Variants in COX7B2 observed in about 807,000 individuals in gnomAD.
The protein encoded by COX7B2 is cytochrome c oxidase subunit 7B2.
For synonymous variants in COX7B2, 37 were observed against 32.1 expected (o/e 1.15, Z -0.51); for missense variants, 109 against 95.9 (o/e 1.14, Z -0.57).
At chr4:46,770,480 AAAAAT>A (rs888944597) in intron 2 of COX7B2, among the ~76,000 whole-genome samples, 3 of 152,168 alleles carry the variant, frequency 2.0e-5, no homozygotes, top group African/African-American at 7.2e-5. Context: ...TCATAAAAAT[AAAAAT>A]AAATCCTAAA....
At chr4:46,817,741 A>G (rs768638942) in intron 2 of COX7B2, among the ~76,000 whole-genome samples, 1 of 152,216 alleles carries the variant, frequency 6.6e-6, no homozygotes, top group Non-Finnish European at 1.5e-5. Flanking sequence ...AAAGAAAGCC[A>G]GGAGGTGAGG....
intron 1 of COX7B2, among the ~76,000 whole-genome samples, chr4:46,887,010 G>T (rs750712538): frequency 9.9e-5 from 15 of 152,080 alleles, no homozygotes; most frequent in Non-Finnish European, 1.5e-4. Flanking sequence ...AAATATAAAG[G>T]CCTTTTAAAA....
intron 1 of COX7B2, among the ~76,000 whole-genome samples, chr4:46,892,954 T>C (rs927848794): frequency 2.6e-5 from 4 of 152,174 alleles, no homozygotes; most frequent in African/African-American, 9.6e-5. Context: ...CCCCTTTGCA[T>C]GGCTTTCATT....
chr4:46,820,304 C>T (rs976730522), intron 2 of COX7B2, among the ~76,000 whole-genome samples: 3 of 152,180 alleles, frequency 2.0e-5, no homozygotes, highest in Admixed American at 6.5e-5. Context: ...ACAGGGTTTC[C>T]GGTCCCATGA....
intron 2 of COX7B2, among the ~76,000 whole-genome samples, chr4:46,773,270 G>C (rs1479384658): frequency 6.6e-6 from 1 of 152,134 alleles, no homozygotes; most frequent in Non-Finnish European, 1.5e-5. Context: ...GACCTGATGG[G>C]AGGTAACTGA....
At position 46,744,874 on chromosome 4, in the gene COX7B2, C is replaced by A. The variant is rs184416081; in HGVS notation, c.-49-9633G>T. On this transcript the variant is annotated intron_variant, in intron 2 of 2. Coordinates refer to ENST00000355591, the MANE Select transcript of COX7B2 (RefSeq NM_130902.3). ...TCTCCCGCCTCAGCTGGACTACAGG[C>A]GCACGCTGGCACGCCCGGCTAATTT... Among the ~76,000 whole-genome samples, 884 of 151,418 alleles carry A rather than the reference C, an allele frequency of 5.8e-3. 6 individuals carry two copies. The highest frequency in any genetic ancestry group is 9.3e-3 in the Non-Finnish European group (633 of 67,894).
At chr4:46,808,400 A>T (rs915592565) in intron 2 of COX7B2, among the ~76,000 whole-genome samples, 6 of 151,656 alleles carry the variant, frequency 4.0e-5, no homozygotes, top group African/African-American at 1.5e-4. Context: ...TGCCATATTC[A>T]TTTATTAGTT....
At chr4:46,875,856 C>T (rs906564706) in intron 1 of COX7B2, among the ~76,000 whole-genome samples, 2 of 151,908 alleles carry the variant, frequency 1.3e-5, no homozygotes, top group African/African-American at 4.8e-5. Flanking sequence ...GTTATAAATT[C>T]TATTAATTCT....
chr4:46,804,303 C>T (rs7435882), intron 2 of COX7B2, among the ~76,000 whole-genome samples: 52,962 of 151,950 alleles, frequency 0.35, 9,415 homozygotes, highest in South Asian at 0.47. Context: ...TTCCACGGTA[C>T]GGAAAGGGAC....
intron 1 of COX7B2, among the ~76,000 whole-genome samples, chr4:46,849,419 C>A (rs1716518173): frequency 6.6e-6 from 1 of 151,966 alleles, no homozygotes; most frequent in Non-Finnish European, 1.5e-5. Context: ...TTTTTAAATG[C>A]CCTCCCCATT....
chr4:46,900,761 C>G (rs978921479), intron 1 of COX7B2, among the ~76,000 whole-genome samples: 2 of 152,112 alleles, frequency 1.3e-5, no homozygotes, highest in African/African-American at 4.8e-5. Flanking sequence ...TGTGAGAATA[C>G]AGCAAGAAGA....
At chr4:46,778,337 C>T (rs1717267950) in intron 2 of COX7B2, among the ~76,000 whole-genome samples, 1 of 151,984 alleles carries the variant, frequency 6.6e-6, no homozygotes, top group Non-Finnish European at 1.5e-5. Context: ...ATTAATTTTC[C>T]TTTTTCAATA....
intron 1 of COX7B2, among the ~76,000 whole-genome samples, chr4:46,871,851 G>C (rs546012500): frequency 6.6e-6 from 1 of 152,108 alleles, no homozygotes; most frequent in South Asian, 2.1e-4. Context: ...GGAGAAAAGG[G>C]AACACTTATA....
intron 2 of COX7B2, among the ~76,000 whole-genome samples, chr4:46,779,377 T>C (rs144804395): frequency 6.6e-6 from 1 of 152,332 alleles, no homozygotes; most frequent in East Asian, 1.9e-4. Context: ...TTGAATAATA[T>C]TCCGTTGTGT....
At position 46,909,153 on chromosome 4, in the gene COX7B2, A is replaced by G. The variant is rs987482830; in HGVS notation, c.-105+7T>C. 4.6e-5 allele frequency: 7 copies of G among 152,236 alleles called. No individual in the cohort carries two copies. The highest frequency in any genetic ancestry group is 8.8e-5 in the Non-Finnish European group (6 of 68,060). The allele number at this position is 152,236 out of a possible 1,614,324, so 9.4% of individuals were successfully genotyped here. ...TGACAACGAACCCCAGAATGAGACA[A>G]ACTTACCAAGGACGTCACAGGTAAC... is the stretch of plus-strand genomic sequence containing the variant. On this transcript the variant is annotated splice_region_variant and intron_variant, in intron 1 of 2. Coordinates refer to ENST00000355591, the MANE Select transcript of COX7B2 (RefSeq NM_130902.3).
intron 2 of COX7B2, among the ~76,000 whole-genome samples, chr4:46,786,330 A>G (rs2109569510): frequency 6.6e-6 from 1 of 152,340 alleles, no homozygotes; most frequent in South Asian, 2.1e-4. Context: ...CATGTGAAAC[A>G]TACTTTATCT....
chr4:46,906,744 T>C (rs976318670), intron 1 of COX7B2, among the ~76,000 whole-genome samples: 18 of 152,226 alleles, frequency 1.2e-4, no homozygotes, highest in Admixed American at 2.6e-4. Flanking sequence ...ACACATATTT[T>C]CCCCTCTTCC....
chr4:46,879,746 A>T lies in COX7B2; in HGVS notation c.-105+29414T>A, dbSNP rs1346253285. 4.0e-5 allele frequency among the ~76,000 whole-genome samples: 6 copies of T among 151,476 alleles called. No homozygotes were observed. In the East Asian group the frequency reaches 1.2e-3, roughly 29 times the overall value. ...CTCAAAAAAAAAAAAGCCAATTGAG[A>T]CATATTTTGTTTTTATAGTTCATTT... On this transcript the variant is annotated intron_variant, in intron 1 of 2. Transcript: ENST00000355591.
At chr4:46,901,510 TAC>T (rs1472172718) in intron 1 of COX7B2, among the ~76,000 whole-genome samples, 3 of 152,216 alleles carry the variant, frequency 2.0e-5, no homozygotes, top group African/African-American at 7.2e-5. Flanking sequence ...ATTTAGATAG[TAC>T]AGTTTAATCT....
Sources: gnomAD v4.1 joint callset for allele counts (sites outside exome capture counted in the v4.1 genomes callset) on GRCh38, gnomAD v4.1.1 for gene constraint, MANE v1.5 for transcripts, NCBI Gene and HGNC (gene_info 2026-07-23, HGNC 2026-07-21) for gene names.